AAK1: variants seen among roughly 807,000 people sequenced by gnomAD.
AAK1 encodes AP2-associated protein kinase 1.
In AAK1, 37 loss-of-function variants were observed where a neutral mutation model predicts 116.0. The observed-to-expected ratio is 0.32, with a 90% confidence interval of 0.25 to 0.42. The LOEUF (loss-of-function observed/expected upper bound fraction) is 0.42, where lower values mean the gene tolerates loss of function less well. Ranked by LOEUF, AAK1 falls within the 10% of genes least tolerant of loss-of-function variation. The pLI is 1.00. For missense variants in AAK1, 919 were observed against 1,170.6 expected, an observed-to-expected ratio of 0.79 and a Z score of 3.14; for synonymous variants, 458 against 439.9, an observed-to-expected ratio of 1.04 and a Z score of -0.51.
chr2:69,581,344 C>T (rs1185028572), intron 2 of AAK1, among the ~76,000 whole-genome samples: 2 of 152,190 alleles, frequency 1.3e-5, no homozygotes, highest in East Asian at 1.9e-4. Context: ...GATCCACCCA[C>T]CTCAGCCTCC....
intron 12 of AAK1, among the ~76,000 whole-genome samples, chr2:69,518,311 GATA>G (rs563155473): frequency 1.5e-3 from 220 of 151,026 alleles, no homozygotes; most frequent in African/African-American, 5.1e-3. Flanking sequence ...ATGGATATTT[GATA>G]ATAAGAAACT....
rs1269341737 is a variant in AAK1, at chr2:69,465,586, C to A, written c.*10283G>T. ...ATTTTGTAGGCAGCAATGGGCTGGGCTTCTGGACTTGGCTCGTCTTCTGGG... is the reference window on the plus strand; with the variant it reads ...ATTTTGTAGGCAGCAATGGGCTGGGATTCTGGACTTGGCTCGTCTTCTGGG... On this transcript the variant is annotated 3_prime_UTR_variant, in exon 22 of 22. Coordinates refer to ENST00000409085, the MANE Select transcript of AAK1 (RefSeq NM_014911.5). 6.2e-6 allele frequency: 8 copies of A among 1,290,884 alleles called. No homozygotes were observed. The Admixed American group carries it at 6.9e-5, about 11-fold the overall frequency. 80.0% of individuals were successfully genotyped at this position (1,290,884 alleles called of 1,614,324 possible). A position where few individuals can be genotyped will look rare whatever the true frequency, so the allele number is the denominator to read the frequency against.
intron 5 of AAK1, among the ~76,000 whole-genome samples, chr2:69,541,350 C>T (rs1670713607): frequency 6.6e-6 from 1 of 151,684 alleles, no homozygotes; most frequent in African/African-American, 2.4e-5. Context: ...CATGCCTCCG[C>T]CTCCTGAGTA....
intron 11 of AAK1, among the ~76,000 whole-genome samples, chr2:69,520,357 T>G (rs952301213): frequency 6.9e-6 from 1 of 145,234 alleles, no homozygotes; most frequent in Non-Finnish European, 1.5e-5. Context: ...ACAATTCTTT[T>G]CTTTTTTTTT....
chr2:69,571,319 T>C (rs993485487), intron 2 of AAK1, among the ~76,000 whole-genome samples: 1 of 152,216 alleles, frequency 6.6e-6, no homozygotes, highest in African/African-American at 2.4e-5. Flanking sequence ...CACAACCATG[T>C]AGACTAGGCT....
At chr2:69,535,048 T>TATTCAGCATC (rs1447105834) in intron 5 of AAK1, among the ~76,000 whole-genome samples, 4 of 152,348 alleles carry the variant, frequency 2.6e-5, no homozygotes, top group African/African-American at 9.6e-5. Context: ...TGAAATCACT[T>TATTCAGCATC]ATTCAGCATC....
intron 4 of AAK1, 70 bp from the exon 5 acceptor site, chr2:69,542,735 G>T: frequency 6.5e-7 from 1 of 1,542,368 alleles, no homozygotes; most frequent in South Asian, 1.2e-5. Flanking sequence ...CTAAGAGAAT[G>T]AACGGCGTCC....
At chr2:69,634,346 TTCC>T (rs1329698968) in intron 2 of AAK1, among the ~76,000 whole-genome samples, 1 of 152,240 alleles carries the variant, frequency 6.6e-6, no homozygotes, top group African/African-American at 2.4e-5. Context: ...CAGCCACTGC[TTCC>T]TCATCTGTAC....
intron 2 of AAK1, among the ~76,000 whole-genome samples, chr2:69,626,503 TTATTA>T (rs1481836437): frequency 4.2e-5 from 6 of 141,702 alleles, no homozygotes; most frequent in Non-Finnish European, 5.9e-5. Flanking sequence ...ATTATTATTA[TTATTA>T]TTTTTTTTTG....
chr2:69,469,923 G>A lies in AAK1; in HGVS notation c.*5946C>T, dbSNP rs1342701205. On this transcript the variant is annotated 3_prime_UTR_variant, in exon 22 of 22. Coordinates refer to ENST00000409085, the MANE Select transcript of AAK1 (RefSeq NM_014911.5). ...TTCAGCAAGAACTCACATGCTTCAG[G>A]GAAGAGAAGGAGTTCCTAAAATACC... is the stretch of plus-strand genomic sequence containing the variant. 1.0e-6 allele frequency: 1 copy of A among 985,212 alleles called. No homozygotes were observed. The highest frequency in any genetic ancestry group is 6.2e-5 in the Admixed American group (1 of 16,258). The allele number at this position is 985,212 out of a possible 1,614,324, so 61.0% of individuals were successfully genotyped here.
intron 2 of AAK1, among the ~76,000 whole-genome samples, chr2:69,575,373 C>T (rs892747459): frequency 6.6e-6 from 1 of 151,098 alleles, no homozygotes; most frequent in African/African-American, 2.4e-5. Flanking sequence ...TAGAAAGGTG[C>T]CAAAAAATCT....
At chr2:69,615,653 G>A (rs1217830340) in intron 2 of AAK1, among the ~76,000 whole-genome samples, 2 of 152,210 alleles carry the variant, frequency 1.3e-5, no homozygotes, top group Non-Finnish European at 2.9e-5. Context: ...CAGAAAGAAA[G>A]TGGAAAGCAA....
intron 5 of AAK1, among the ~76,000 whole-genome samples, chr2:69,537,764 G>A (rs540197435): frequency 4.6e-5 from 7 of 152,270 alleles, no homozygotes; most frequent in Non-Finnish European, 7.4e-5. Flanking sequence ...TGCCCAGCGC[G>A]GACATACTAG....
chr2:69,618,501 G>A (rs547783704), intron 2 of AAK1, among the ~76,000 whole-genome samples: 1 of 152,256 alleles, frequency 6.6e-6, no homozygotes, highest in East Asian at 1.9e-4. Context: ...CAGTAGCTTA[G>A]CGCAGGAGGT....
chr2:69,557,107 C>A, intron 2 of AAK1, 129 bp from the exon 3 acceptor site: 1 of 680,542 alleles, frequency 1.5e-6, no homozygotes, highest in Non-Finnish European at 2.7e-6. Context: ...GCCTTTAGGG[C>A]TAGCCTGTTG....
chr2:69,640,933 T>G (rs537017688), intron 2 of AAK1, among the ~76,000 whole-genome samples: 2 of 152,338 alleles, frequency 1.3e-5, no homozygotes, highest in East Asian at 3.9e-4. Flanking sequence ...TAGCATCTAG[T>G]TTAACAGTAT....
At chr2:69,591,590 G>A (rs1673036493) in intron 2 of AAK1, among the ~76,000 whole-genome samples, 2 of 133,036 alleles carry the variant, frequency 1.5e-5, no homozygotes, top group Admixed American at 8.3e-5. Flanking sequence ...GCGTGATCTC[G>A]GCTCACTGCA....
chr2:69,558,819 C>T (rs1386847415), intron 2 of AAK1, among the ~76,000 whole-genome samples: 1 of 152,116 alleles, frequency 6.6e-6, no homozygotes, highest in Non-Finnish European at 1.5e-5. Flanking sequence ...GAAATAAAGC[C>T]TCGGGTCCTG....
chr2:69,501,270 T>C (rs1675970040), intron 16 of AAK1, among the ~76,000 whole-genome samples: 1 of 152,042 alleles, frequency 6.6e-6, no homozygotes, highest in Admixed American at 6.6e-5. Context: ...CAAACAAAGC[T>C]AAAAGTGAAA....
Sources: gnomAD v4.1 joint callset for allele counts (sites outside exome capture counted in the v4.1 genomes callset) on GRCh38, gnomAD v4.1.1 for gene constraint, MANE v1.5 for transcripts, NCBI Gene and HGNC (gene_info 2026-07-23, HGNC 2026-07-21) for gene names.